LRRTM4: variants seen among roughly 807,000 people sequenced by gnomAD.
LRRTM4 encodes leucine rich repeat transmembrane neuronal 4, also known as leucine-rich repeat transmembrane neuronal protein 4.
In LRRTM4, 25 loss-of-function variants were observed where a neutral mutation model predicts 47.6. The ratio of observed to expected loss-of-function variants is 0.53; its 90% CI spans 0.38 to 0.73. The LOEUF (loss-of-function observed/expected upper bound fraction) is 0.73, where lower values mean the gene tolerates loss of function less well. LRRTM4 is among the 30% of genes least tolerant of loss of function. The pLI is 0.00. For missense variants in LRRTM4, 638 were observed against 713.4 expected (o/e 0.89, Z 1.20); for synonymous variants, 311 against 269.5 (o/e 1.15, Z -1.51).
At chr2:77,123,645 C>T (rs374654270) in intron 3 of LRRTM4, among the ~76,000 whole-genome samples, 3 of 151,998 alleles carry the variant, frequency 2.0e-5, no homozygotes, top group East Asian at 1.9e-4. Context: ...GAGGTTTTTT[C>T]TCTTTTAAAA....
chr2:77,288,458 T>C lies in LRRTM4; in HGVS notation c.1551+229860A>G, dbSNP rs552760536. ...GATCTTTCTGAAGGAAAGATAAATATAAAAGGAACAAAACTGAAAAGTCAA... is the reference window on the plus strand; with the variant it reads ...GATCTTTCTGAAGGAAAGATAAATACAAAAGGAACAAAACTGAAAAGTCAA... On this transcript the variant is annotated intron_variant, in intron 3 of 3. Coordinates refer to ENST00000409884, the MANE Select transcript of LRRTM4 (RefSeq NM_001134745.3). Among the ~76,000 whole-genome samples, 5 of 151,912 alleles carry C rather than the reference T, an allele frequency of 3.3e-5. No individual in the cohort carries two copies. The East Asian group carries it at 9.7e-4, about 29-fold the overall frequency.
chr2:77,107,409 A>G (rs1260559288), intron 3 of LRRTM4, among the ~76,000 whole-genome samples: 4 of 152,234 alleles, frequency 2.6e-5, no homozygotes, highest in African/African-American at 9.6e-5. Context: ...ATCTTTTTTG[A>G]AATATATACA....
At chr2:77,274,556 G>A (rs1005532536) in intron 3 of LRRTM4, among the ~76,000 whole-genome samples, 1 of 151,978 alleles carries the variant, frequency 6.6e-6, no homozygotes, top group African/African-American at 2.4e-5. Flanking sequence ...TTAGGTACTC[G>A]ATCAGTAATT....
intron 3 of LRRTM4, among the ~76,000 whole-genome samples, chr2:77,241,246 A>G (rs1377611334): frequency 2.9e-5 from 1 of 34,954 alleles, no homozygotes; most frequent in Non-Finnish European, 7.6e-5. Flanking sequence ...ACACACACAC[A>G]TGGGTCTAGA....
At chr2:77,040,681 T>A (rs1678999769) in intron 3 of LRRTM4, among the ~76,000 whole-genome samples, 1 of 151,340 alleles carries the variant, frequency 6.6e-6, no homozygotes, top group South Asian at 2.1e-4. Flanking sequence ...GGGCTGATAA[T>A]GGGTTTAGGG....
intron 3 of LRRTM4, among the ~76,000 whole-genome samples, chr2:76,919,511 C>T (rs1364181844): frequency 1.3e-5 from 2 of 152,088 alleles, no homozygotes; most frequent in East Asian, 3.9e-4. Flanking sequence ...TTAAACCTCT[C>T]CTGCAAACTT....
intron 3 of LRRTM4, among the ~76,000 whole-genome samples, chr2:77,173,090 A>G (rs1673101410): frequency 6.6e-6 from 1 of 152,188 alleles, no homozygotes; most frequent in Admixed American, 6.5e-5. Flanking sequence ...TGATACAGCA[A>G]AAGGAAGATA....
chr2:76,935,302 T>C (rs1305543340), intron 3 of LRRTM4, among the ~76,000 whole-genome samples: 1 of 152,142 alleles, frequency 6.6e-6, no homozygotes, highest in East Asian at 1.9e-4. Flanking sequence ...TCCAGCTTTG[T>C]TATTTTTGCT....
chr2:77,343,530 C>A (rs1469114107), intron 3 of LRRTM4, among the ~76,000 whole-genome samples: 4 of 151,704 alleles, frequency 2.6e-5, no homozygotes, highest in African/African-American at 4.8e-5. Context: ...TCATATCTGG[C>A]TATTTGTACT....
At chr2:76,999,603 G>A (rs531409996) in intron 3 of LRRTM4, among the ~76,000 whole-genome samples, 7 of 152,030 alleles carry the variant, frequency 4.6e-5, no homozygotes, top group Non-Finnish European at 7.4e-5. Context: ...AAGGGCATGC[G>A]AAATTTCTCC....
intron 3 of LRRTM4, among the ~76,000 whole-genome samples, chr2:76,935,907 C>A (rs1411111169): frequency 6.6e-6 from 1 of 152,140 alleles, no homozygotes; most frequent in Admixed American, 6.5e-5. Context: ...AGAGGGCATT[C>A]TTTTCTTGTG....
intron 3 of LRRTM4, among the ~76,000 whole-genome samples, chr2:77,286,769 A>T (rs1676674836): frequency 6.6e-6 from 1 of 152,106 alleles, no homozygotes; most frequent in Admixed American, 6.6e-5. Flanking sequence ...ACAATAAAAA[A>T]TCTAGCTATT....
intron 3 of LRRTM4, among the ~76,000 whole-genome samples, chr2:76,946,068 C>T (rs978503214): frequency 8.6e-5 from 13 of 151,800 alleles, no homozygotes; most frequent in Non-Finnish European, 1.8e-4. Flanking sequence ...CACATAGGCA[C>T]ATTATATCTT....
At chr2:76,928,909 T>C (rs1674676472) in intron 3 of LRRTM4, among the ~76,000 whole-genome samples, 1 of 152,182 alleles carries the variant, frequency 6.6e-6, no homozygotes, top group Admixed American at 6.6e-5. Context: ...GTTTCTATGT[T>C]ACTCTATTTG....
At chr2:76,899,884 G>A (rs1673563008) in intron 3 of LRRTM4, among the ~76,000 whole-genome samples, 2 of 152,168 alleles carry the variant, frequency 1.3e-5, no homozygotes, top group African/African-American at 4.8e-5. Flanking sequence ...ATTGCCTTTT[G>A]CATGACATCC....
chr2:77,435,760 T>C (rs1675568140), intron 3 of LRRTM4, among the ~76,000 whole-genome samples: 1 of 152,186 alleles, frequency 6.6e-6, no homozygotes, highest in Non-Finnish European at 1.5e-5. Context: ...TGAGAACCTC[T>C]AAAGCTGGAC....
At chr2:76,935,057 G>A (rs1206281416) in intron 3 of LRRTM4, among the ~76,000 whole-genome samples, 1 of 151,742 alleles carries the variant, frequency 6.6e-6, no homozygotes, top group Non-Finnish European at 1.5e-5. Flanking sequence ...ACCAAAAAGA[G>A]AAAAGAATAG....
chr2:77,110,361 A>G (rs1426636332), intron 3 of LRRTM4, among the ~76,000 whole-genome samples: 1 of 152,196 alleles, frequency 6.6e-6, no homozygotes, highest in African/African-American at 2.4e-5. Context: ...AGGCAGGTAA[A>G]AATCAAAACC....
intron 3 of LRRTM4, among the ~76,000 whole-genome samples, chr2:77,062,597 A>G (rs1453564052): frequency 6.6e-6 from 1 of 152,218 alleles, no homozygotes; most frequent in Non-Finnish European, 1.5e-5. Context: ...TAGTGATTAT[A>G]CTGATACTTT....
Sources: allele counts gnomAD v4.1 joint callset (sites outside exome capture counted in the v4.1 genomes callset), GRCh38; gene constraint gnomAD v4.1.1; transcripts MANE v1.5; gene names NCBI Gene and HGNC (gene_info 2026-07-23, HGNC 2026-07-21).